NALF1: variants seen among roughly 807,000 people sequenced by gnomAD.
NALF1 encodes the protein NALCN channel auxiliary factor 1, also known as family with sequence similarity 155 member A.
A neutral mutation model predicts 48.4 loss-of-function variants in NALF1; 3 were observed. That is an observed-to-expected ratio of 0.06 (90% CI 0.03 to 0.16). The LOEUF (loss-of-function observed/expected upper bound fraction) is 0.16. Ranked by LOEUF, NALF1 falls within the 10% of genes least tolerant of loss-of-function variation. The pLI is 1.00. For synonymous variants in NALF1, 262 were observed against 245.7 expected, an observed-to-expected ratio of 1.07 and a Z score of -0.62; for missense variants, 526 against 571.5, an observed-to-expected ratio of 0.92 and a Z score of 0.81.
intron 1 of NALF1, among the ~76,000 whole-genome samples, chr13:107,376,168 C>G (rs187736496): frequency 6.6e-6 from 1 of 152,122 alleles, no homozygotes; most frequent in Admixed American, 6.5e-5. Context: ...CAGAACTTTG[C>G]GCGCCCTTTC....
chr13:107,484,966 T>C (rs1368106248), intron 1 of NALF1, among the ~76,000 whole-genome samples: 1 of 152,180 alleles, frequency 6.6e-6, no homozygotes, highest in South Asian at 2.1e-4. Flanking sequence ...GTGGTCAAAG[T>C]ACTTGAGCAG....
At chr13:107,760,689 AT>A (rs1877238115) in intron 1 of NALF1, among the ~76,000 whole-genome samples, 1 of 152,204 alleles carries the variant, frequency 6.6e-6, no homozygotes, top group African/African-American at 2.4e-5. Flanking sequence ...AAAGTTTTAA[AT>A]GTTACTCAAA....
rs1361990375 is a variant in NALF1 at position 107,638,820 on chromosome 13, G to A, written c.915+226862C>T. On this transcript the variant is annotated intron_variant, in intron 1 of 2. Coordinates refer to ENST00000375915, the MANE Select transcript of NALF1 (RefSeq NM_001080396.3). ...TGTGGGATGGGATCGAGATCCATTC[G>A]ACTGAAGCACTCCAGAAGGCTAGTG... Among the ~76,000 whole-genome samples, 6 of 152,100 alleles carry A rather than the reference G, an allele frequency of 3.9e-5. No individual in the cohort carries two copies. In the South Asian group the frequency reaches 6.2e-4, roughly 16 times the overall value.
At chr13:107,773,749 G>T in intron 1 of NALF1, among the ~76,000 whole-genome samples, 1 of 109,932 alleles carries the variant, frequency 9.1e-6, no homozygotes. Flanking sequence ...GGAGGGGGAG[G>T]GATAGCATTA....
chr13:107,193,900 T>G (rs1879331913), intron 2 of NALF1, among the ~76,000 whole-genome samples: 1 of 150,588 alleles, frequency 6.6e-6, no homozygotes, highest in Non-Finnish European at 1.5e-5. Context: ...GAGCTGGCAC[T>G]AGAGAGAGAG....
At chr13:107,427,590 C>A (rs1377217671) in intron 1 of NALF1, among the ~76,000 whole-genome samples, 3 of 152,082 alleles carry the variant, frequency 2.0e-5, no homozygotes, top group Middle Eastern at 3.4e-3. Context: ...ATTAAGGTTG[C>A]AAAAAGAAAA....
chr13:107,164,743 T>C lies in NALF1; in HGVS notation c.*5754A>G, dbSNP rs570169039. On this transcript the variant is annotated 3_prime_UTR_variant, in exon 3 of 3. Transcript: ENST00000375915. ...TATATGTTAAGACTTTCAAACTGTA[T>C]TGAAAATCTATTGATGGTCAGTCTG... The C allele has an allele frequency of 1.6e-4, 24 of 152,238 alleles. No individual in the cohort carries two copies. The East Asian group carries it at 4.3e-3, about 27-fold the overall frequency. 9.4% of individuals were successfully genotyped at this position (152,238 alleles called of 1,614,324 possible).
At chr13:107,742,910 G>A (rs1308727484) in intron 1 of NALF1, among the ~76,000 whole-genome samples, 1 of 152,236 alleles carries the variant, frequency 6.6e-6, no homozygotes, top group Non-Finnish European at 1.5e-5. Context: ...GGAGAATGTA[G>A]AGATAAATCC....
intron 1 of NALF1, among the ~76,000 whole-genome samples, chr13:107,657,018 G>A (rs377513351): frequency 1.3e-5 from 2 of 152,136 alleles, no homozygotes; most frequent in South Asian, 4.2e-4. Flanking sequence ...TGTGGGGTTG[G>A]GGGAAGGGTT....
chr13:107,263,601 T>A (rs1000885334), intron 1 of NALF1, among the ~76,000 whole-genome samples: 3 of 152,150 alleles, frequency 2.0e-5, no homozygotes, highest in Non-Finnish European at 4.4e-5. Flanking sequence ...TCTGATGGTT[T>A]TATAAGGGGA....
At chr13:107,406,154 C>A (rs1183003534) in intron 1 of NALF1, among the ~76,000 whole-genome samples, 1 of 152,014 alleles carries the variant, frequency 6.6e-6, no homozygotes, top group East Asian at 1.9e-4. Context: ...CACACACTTC[C>A]TTTGTGAAGT....
intron 1 of NALF1, among the ~76,000 whole-genome samples, chr13:107,753,906 AAG>A (rs1877010960): frequency 6.6e-6 from 1 of 152,158 alleles, no homozygotes; most frequent in Non-Finnish European, 1.5e-5. Flanking sequence ...CAGATGAGAA[AAG>A]AGTGATAACA....
At chr13:107,697,351 A>C (rs1214346750) in intron 1 of NALF1, among the ~76,000 whole-genome samples, 2 of 152,174 alleles carry the variant, frequency 1.3e-5, no homozygotes, top group Admixed American at 1.3e-4. Flanking sequence ...TAATTTGCCA[A>C]GTATCTAATT....
At chr13:107,603,155 A>G (rs1878978076) in intron 1 of NALF1, among the ~76,000 whole-genome samples, 1 of 152,174 alleles carries the variant, frequency 6.6e-6, no homozygotes, top group African/African-American at 2.4e-5. Context: ...CATTGTACTG[A>G]TATGCAATTT....
chr13:107,257,503 T>C (rs1030007196), intron 1 of NALF1, among the ~76,000 whole-genome samples: 6 of 141,776 alleles, frequency 4.2e-5, no homozygotes, highest in Non-Finnish European at 1.5e-5. Flanking sequence ...TTTTTTTTTT[T>C]CTGCTTTGAA....
chr13:107,744,227 C>T (rs751864817), intron 1 of NALF1, among the ~76,000 whole-genome samples: 11 of 152,124 alleles, frequency 7.2e-5, no homozygotes, highest in Admixed American at 4.6e-4. Context: ...CCCTCTGAGA[C>T]GCAAGAATTT....
intron 2 of NALF1, among the ~76,000 whole-genome samples, chr13:107,188,004 A>T (rs1373141195): frequency 1.3e-5 from 2 of 152,152 alleles, no homozygotes; most frequent in Non-Finnish European, 2.9e-5. Flanking sequence ...TCATTCAATC[A>T]TAATAAGATT....
At chr13:107,270,764 T>C (rs1220238118) in intron 1 of NALF1, among the ~76,000 whole-genome samples, 5 of 151,956 alleles carry the variant, frequency 3.3e-5, no homozygotes, top group Admixed American at 2.6e-4. Flanking sequence ...GCTGCACCCA[T>C]TAACTCGTCA....
chr13:107,788,940 G>C (rs1214249721), intron 1 of NALF1: 1 of 152,136 alleles, frequency 6.6e-6, no homozygotes, highest in South Asian at 2.1e-4. Flanking sequence ...AGCAAATATG[G>C]TTAACCTAGT....
Sources: allele counts gnomAD v4.1 joint callset (sites outside exome capture counted in the v4.1 genomes callset), GRCh38; gene constraint gnomAD v4.1.1; transcripts MANE v1.5; gene names NCBI Gene and HGNC (gene_info 2026-07-23, HGNC 2026-07-21).